Variants in NAA11 observed in about 807,000 individuals in gnomAD.
NAA11 encodes the protein N-alpha-acetyltransferase 11, NatA catalytic subunit, also known as N-alpha-acetyltransferase 11.
A neutral mutation model predicts 16.1 loss-of-function variants in NAA11; 15 were observed. The ratio of observed to expected loss-of-function variants is 0.93; its 90% CI spans 0.62 to 1.44. The LOEUF is 1.44. NAA11 is among the 40% of genes most tolerant of loss of function. The probability of loss-of-function intolerance (pLI) is 0.00; values close to 1 mark genes in which losing one functional copy is unlikely to be tolerated. For missense variants in NAA11, 298 were observed against 291.3 expected (o/e 1.02, Z -0.17); for synonymous variants, 122 against 112.4 (o/e 1.09, Z -0.54).
the NAA11 span, among the ~76,000 whole-genome samples, chr4:79,220,411 G>C: frequency 6.7e-6 from 1 of 150,258 alleles, no homozygotes; most frequent in East Asian, 1.9e-4. Context: ...CTTTTCAATG[G>C]AATAGGTTTG....
intron 2 of NAA11, among the ~76,000 whole-genome samples, chr4:79,249,763 C>T (rs1721951610): frequency 6.6e-6 from 1 of 152,118 alleles, no homozygotes; most frequent in African/African-American, 2.4e-5. Flanking sequence ...CACAGAGAAC[C>T]CTTACAAAAT....
At chr4:79,248,519 C>A (rs1438508998) in intron 2 of NAA11, among the ~76,000 whole-genome samples, 2 of 152,186 alleles carry the variant, frequency 1.3e-5, no homozygotes, top group African/African-American at 4.8e-5. Context: ...CCCTGCCTGC[C>A]ATTCTGTGCC....
At chr4:79,160,282 G>A in the NAA11 span, among the ~76,000 whole-genome samples, 1 of 152,134 alleles carries the variant, frequency 6.6e-6, no homozygotes, top group Non-Finnish European at 1.5e-5. Flanking sequence ...ATGAGCCACC[G>A]TGCCCAGCTG....
chr4:79,193,350 G>C, the NAA11 span, among the ~76,000 whole-genome samples: 1 of 151,994 alleles, frequency 6.6e-6, no homozygotes, highest in Admixed American at 6.6e-5. Context: ...GGGTTTTTAT[G>C]GTTTTAGGTC....
In NAA11 at chr4:79,325,377, G is replaced by C. The variant is rs1429308693; in HGVS notation, c.501C>G (p.Gly167=). ...ELRRQMDLKK[G]GYVVLGSREN... ...CCCTGGAGCCCAGGACCACATACCC[G>C]CCCTTCTTCAGGTCCATTTGTCGTC... is the stretch of plus-strand genomic sequence containing the variant. Residue 167 remains glycine, a synonymous_variant, in exon 1 of 2, where the codon GGC becomes GGG. Transcript: ENST00000286794. The C allele has an allele frequency of 6.2e-7, 1 of 1,613,960 alleles. No individual in the cohort carries two copies. The highest frequency in any genetic ancestry group is 1.7e-5 in the Admixed American group (1 of 60,024).
the NAA11 span, among the ~76,000 whole-genome samples, chr4:79,209,730 C>T: frequency 6.6e-6 from 1 of 151,936 alleles, no homozygotes; most frequent in African/African-American, 2.4e-5. Flanking sequence ...TGTAACTGAA[C>T]CCTCAATAAC....
intron 2 of NAA11, among the ~76,000 whole-genome samples, chr4:79,273,451 T>C (rs1390060916): frequency 6.6e-6 from 1 of 151,996 alleles, no homozygotes; most frequent in East Asian, 1.9e-4. Context: ...GTTGTCTCCA[T>C]GGAAAAAATA....
At chr4:79,286,027 G>C (rs959275256) in intron 2 of NAA11, among the ~76,000 whole-genome samples, 1 of 151,986 alleles carries the variant, frequency 6.6e-6, no homozygotes, top group African/African-American at 2.4e-5. Context: ...TATGAGAAGT[G>C]ATTTCTGCTT....
chr4:79,275,614 T>C (rs937630773), intron 2 of NAA11, among the ~76,000 whole-genome samples: 3 of 152,136 alleles, frequency 2.0e-5, no homozygotes, highest in Non-Finnish European at 4.4e-5. Context: ...TACACTGATT[T>C]TCATGTGCAT....
chr4:79,185,361 T>A, the NAA11 span, among the ~76,000 whole-genome samples: 1 of 152,182 alleles, frequency 6.6e-6, no homozygotes, highest in African/African-American at 2.4e-5. Flanking sequence ...ATAATTCTCA[T>A]GCAGGAGTCA....
chr4:79,263,510 T>C lies in NAA11; in HGVS notation c.*122+30495A>G, dbSNP rs1722281749. ...CATAAATGTAGAGGTCTAGCAAGACTAATGTGGTTGTAACATGCAGAATAT... is the reference window on the plus strand; with the variant it reads ...CATAAATGTAGAGGTCTAGCAAGACCAATGTGGTTGTAACATGCAGAATAT... On this transcript the variant is annotated intron_variant and NMD_transcript_variant, in intron 2 of 2. Transcript: ENST00000511542. Among the ~76,000 whole-genome samples, 3 of 152,300 alleles carry C rather than the reference T, an allele frequency of 2.0e-5. No individual in the cohort carries two copies. In the South Asian group the frequency reaches 6.2e-4, roughly 32 times the overall value.
the NAA11 span, among the ~76,000 whole-genome samples, chr4:79,195,089 A>G: frequency 6.6e-6 from 1 of 152,122 alleles, no homozygotes; most frequent in Non-Finnish European, 1.5e-5. Context: ...TGAGAGATTC[A>G]ATTAAAATCA....
chr4:79,282,356 G>A lies in NAA11; in HGVS notation c.*122+11649C>T, dbSNP rs78097202. Among the ~76,000 whole-genome samples, 853 of 152,150 alleles carry A rather than the reference G, an allele frequency of 5.6e-3. 10 individuals are homozygous for A. Among genetic ancestry groups the A allele is most frequent in the African/African-American group, 0.019 (787 of 41,534 alleles). ...TCTGTTTTTTAAAAAAGTCACTCTG[G>A]CCAACCTGTGAAAAAGGAATTATAG... On this transcript the variant is annotated intron_variant and NMD_transcript_variant, in intron 2 of 2. Transcript: ENST00000511542.
At position 79,325,675 on chromosome 4, in the gene NAA11, G is replaced by C; in HGVS notation, c.203C>G (p.Pro68Arg). 1.9e-6 allele frequency: 3 copies of C among 1,614,066 alleles called. No individual in the cohort carries two copies. In the South Asian group the frequency reaches 3.3e-5, roughly 18 times the overall value. Residue 68 changes from proline to arginine, a missense_variant, in exon 1 of 2, where the codon CCG (proline) becomes CGG (arginine). By Grantham distance (103) the Pro-to-Arg change is moderately radical. Transcript: ENST00000286794. Reference sequence around the variant, plus strand: ...GGCCAGTGAGGTGATATGGCCATGCGGGACATCATCTGGTTCCTCCTCCAT... The same window carrying C: ...GGCCAGTGAGGTGATATGGCCATGCCGGACATCATCTGGTTCCTCCTCCAT... ...AKMEEEPDDVPHGHITSLAVK... is the reference protein window; with the variant it reads ...AKMEEEPDDVRHGHITSLAVK...
the NAA11 span, among the ~76,000 whole-genome samples, chr4:79,214,023 C>A: frequency 6.6e-6 from 1 of 152,140 alleles, no homozygotes; most frequent in Non-Finnish European, 1.5e-5. Flanking sequence ...GTTGGTAAAT[C>A]ATTGGTAGCT....
At chr4:79,212,735 GTTA>G in the NAA11 span, among the ~76,000 whole-genome samples, 4 of 151,678 alleles carry the variant, frequency 2.6e-5, no homozygotes, top group Admixed American at 6.6e-5. Context: ...TTTATTATTA[GTTA>G]TTGTTGTTAA....
chr4:79,195,002 A>C, the NAA11 span, among the ~76,000 whole-genome samples: 2 of 152,080 alleles, frequency 1.3e-5, no homozygotes, highest in African/African-American at 4.8e-5. Flanking sequence ...TCAAATCTTC[A>C]AGAGAGCAGA....
At chr4:79,230,511 C>A (rs1578152327) in intron 2 of NAA11, among the ~76,000 whole-genome samples, 2 of 151,780 alleles carry the variant, frequency 1.3e-5, no homozygotes, top group Admixed American at 6.6e-5. Flanking sequence ...TTGATTCCTA[C>A]AAAAGAAACC....
chr4:79,200,920 A>G, the NAA11 span, among the ~76,000 whole-genome samples: 1 of 151,680 alleles, frequency 6.6e-6, no homozygotes, highest in African/African-American at 2.4e-5. Context: ...TGAAAAATAC[A>G]TGAAAATAGA....
Sources: gnomAD v4.1 joint callset for allele counts (sites outside exome capture counted in the v4.1 genomes callset) on GRCh38, gnomAD v4.1.1 for gene constraint, MANE v1.5 for transcripts, NCBI Gene and HGNC (gene_info 2026-07-23, HGNC 2026-07-21) for gene names.